Variants in PTPRG observed in about 807,000 individuals in gnomAD.
The protein encoded by PTPRG is protein tyrosine phosphatase receptor type G.
Under a neutral mutation model 165.3 loss-of-function variants are expected in PTPRG, and 102 were observed. That is an observed-to-expected ratio of 0.62 (90% confidence interval 0.53 to 0.73). PTPRG has a LOEUF of 0.73. Among genes scored for constraint, PTPRG ranks in the 30% least tolerant of loss-of-function variants. The pLI is 0.00. For synonymous variants in PTPRG, 675 were observed against 669.5 expected, an observed-to-expected ratio of 1.01 and a Z score of -0.13; for missense variants, 1,866 against 1,861.4, an observed-to-expected ratio of 1.00 and a Z score of -0.05.
At chr3:62,261,863 G>A (rs1701708943) in intron 16 of PTPRG, 1 of 152,064 alleles carries the variant, frequency 6.6e-6, no homozygotes, top group Admixed American at 6.6e-5. Context: ...TGGAAAACAT[G>A]CATAATTACT....
intron 7 of PTPRG, among the ~76,000 whole-genome samples, chr3:62,157,958 C>G (rs6786544): frequency 6.6e-6 from 1 of 152,176 alleles, no homozygotes; most frequent in Non-Finnish European, 1.5e-5. Context: ...GATTGGGTAA[C>G]ATGCCCAAAG....
intron 28 of PTPRG, among the ~76,000 whole-genome samples, chr3:62,289,231 T>C (rs1489593297): frequency 2.6e-5 from 4 of 152,322 alleles, no homozygotes; most frequent in Non-Finnish European, 4.4e-5. Flanking sequence ...ACCCATACCA[T>C]AGGGTTACTG....
chr3:61,990,275 A>G (rs2040853050), intron 3 of PTPRG, among the ~76,000 whole-genome samples: 1 of 152,212 alleles, frequency 6.6e-6, no homozygotes, highest in Admixed American at 6.5e-5. Context: ...GACAGAGGAC[A>G]TTCTCTCATT....
chr3:62,157,794 T>C (rs1308173577), intron 7 of PTPRG, among the ~76,000 whole-genome samples: 1 of 152,220 alleles, frequency 6.6e-6, no homozygotes, highest in Admixed American at 6.5e-5. Flanking sequence ...AGAAAGAGAT[T>C]TGTGGACATG....
intron 10 of PTPRG, among the ~76,000 whole-genome samples, chr3:62,196,778 G>A (rs947041416): frequency 1.3e-5 from 2 of 152,166 alleles, no homozygotes; most frequent in African/African-American, 4.8e-5. Flanking sequence ...CCAGGCCAGT[G>A]GTGAACGCTT....
chr3:61,645,050 C>T (rs1702163894), intron 1 of PTPRG, among the ~76,000 whole-genome samples: 2 of 152,070 alleles, frequency 1.3e-5, no homozygotes, highest in South Asian at 4.2e-4. Context: ...TTCCTTCTCC[C>T]ACTAAGAACA....
intron 2 of PTPRG, among the ~76,000 whole-genome samples, chr3:61,763,653 G>T (rs2033929065): frequency 6.6e-6 from 1 of 152,010 alleles, no homozygotes; most frequent in Admixed American, 6.6e-5. Flanking sequence ...TTACAGGCTT[G>T]AGCCACTGTA....
intron 1 of PTPRG, among the ~76,000 whole-genome samples, chr3:61,577,103 C>T (rs1399095550): frequency 6.6e-6 from 1 of 152,102 alleles, no homozygotes; most frequent in Non-Finnish European, 1.5e-5. Flanking sequence ...TATGTTTGTT[C>T]TGAATAAGTT....
intron 2 of PTPRG, among the ~76,000 whole-genome samples, chr3:61,837,834 A>G (rs1367394088): frequency 6.6e-6 from 1 of 152,180 alleles, no homozygotes; most frequent in Non-Finnish European, 1.5e-5. Flanking sequence ...TGCCAGTCAA[A>G]TATCAGTGTA....
chr3:62,222,133 C>G lies in PTPRG; in HGVS notation c.2288+3150C>G, dbSNP rs1030835970. 1.3e-5 allele frequency among the ~76,000 whole-genome samples: 2 copies of G among 152,188 alleles called. No individual in the cohort carries two copies. The highest frequency in any genetic ancestry group is 4.8e-5 in the African/African-American group (2 of 41,446). On this transcript the variant is annotated intron_variant, in intron 13 of 29. Coordinates refer to ENST00000474889, the MANE Select transcript of PTPRG (RefSeq NM_002841.4). This position sits in a 1 kb window ranked among gnomAD's most constrained non-coding sequence, Gnocchi z 4.5. ...TAGTTGGCAATATCATCACCAGAAC[C>G]CTTTTGTTGTTCAGAACCCTTTTCT...
intron 2 of PTPRG, among the ~76,000 whole-genome samples, chr3:61,863,263 T>TA (rs1390464171): frequency 3.9e-5 from 6 of 152,224 alleles, no homozygotes; most frequent in Non-Finnish European, 8.8e-5. Flanking sequence ...TCCTCTTCTT[T>TA]AAGGAGGATC....
At chr3:62,024,157 T>C (rs1399240026) in intron 4 of PTPRG, among the ~76,000 whole-genome samples, 1 of 152,192 alleles carries the variant, frequency 6.6e-6, no homozygotes, top group African/African-American at 2.4e-5. Flanking sequence ...TTTTGATATA[T>C]GTGTACATTA....
chr3:62,251,890 C>A (rs1163747189), intron 15 of PTPRG, among the ~76,000 whole-genome samples: 1 of 152,088 alleles, frequency 6.6e-6, no homozygotes, highest in Non-Finnish European at 1.5e-5. Flanking sequence ...TTGAGAATAA[C>A]CATGTTCCCT....
chr3:62,119,471 TC>T (rs1482772658), intron 5 of PTPRG, among the ~76,000 whole-genome samples: 3 of 152,266 alleles, frequency 2.0e-5, no homozygotes, highest in East Asian at 1.9e-4. Flanking sequence ...AGTGAAATGC[TC>T]CGAGTATTTG....
At chr3:61,866,846 C>T (rs986969611) in intron 2 of PTPRG, among the ~76,000 whole-genome samples, 2 of 152,074 alleles carry the variant, frequency 1.3e-5, no homozygotes, top group African/African-American at 4.8e-5. Flanking sequence ...ATCCATCCGC[C>T]TTGGCCTGCC....
chr3:62,292,371 T>C lies in PTPRG; in HGVS notation c.4056-50T>C, dbSNP rs182365087. 5.4e-4 allele frequency: 838 copies of C among 1,563,220 alleles called. 6 individuals carry two copies. In the African/African-American group the frequency reaches 0.01, roughly 19 times the overall value. ...ATGACAGTAATTTCATTTCAATATA[T>C]TTGGTCCCTTTGTACATCTGAAATC... On this transcript the variant is annotated intron_variant, in intron 28 of 29. Coordinates refer to ENST00000474889, the MANE Select transcript of PTPRG (RefSeq NM_002841.4).
At chr3:62,268,330 G>A (rs1025243827) in intron 19 of PTPRG, among the ~76,000 whole-genome samples, 1 of 151,932 alleles carries the variant, frequency 6.6e-6, no homozygotes, top group Non-Finnish European at 1.5e-5. Flanking sequence ...AGAATTTATT[G>A]GATTATGAGT....
chr3:61,934,871 G>A (rs550601608), intron 2 of PTPRG, among the ~76,000 whole-genome samples: 21 of 152,186 alleles, frequency 1.4e-4, no homozygotes, highest in Non-Finnish European at 3.1e-4. Flanking sequence ...GTCCTGTTGT[G>A]TATCATGCCC....
chr3:62,044,435 A>T (rs902210134), intron 4 of PTPRG, among the ~76,000 whole-genome samples: 14 of 152,140 alleles, frequency 9.2e-5, no homozygotes, highest in Non-Finnish European at 1.5e-5. Context: ...GCTACTCAGG[A>T]GGCTGAGGCA....
Sources: allele counts gnomAD v4.1 joint callset (sites outside exome capture counted in the v4.1 genomes callset), GRCh38; gene constraint gnomAD v4.1.1; non-coding constraint Gnocchi (gnomAD v3.1); transcripts MANE v1.5; gene names NCBI Gene and HGNC (gene_info 2026-07-23, HGNC 2026-07-21).